KLHL1: variants seen among roughly 807,000 people sequenced by gnomAD.
KLHL1 encodes kelch like family member 1.
A neutral mutation model predicts 77.7 loss-of-function variants in KLHL1; 47 were observed. The observed-to-expected ratio is 0.60, with a 90% CI of 0.48 to 0.77. The LOEUF (loss-of-function observed/expected upper bound fraction) is 0.77. Ranked by LOEUF, KLHL1 falls within the 30% of genes least tolerant of loss-of-function variation. The pLI is 0.00. For missense variants in KLHL1, 925 were observed against 910.8 expected, an observed-to-expected ratio of 1.02 and a Z score of -0.20; for synonymous variants, 360 against 325.2, an observed-to-expected ratio of 1.11 and a Z score of -1.15.
intron 5 of KLHL1, among the ~76,000 whole-genome samples, chr13:69,869,791 C>A (rs1424290371): frequency 1.3e-5 from 2 of 152,298 alleles, no homozygotes. Flanking sequence ...ACATGGCTCT[C>A]TTCCCTCTAA....
intron 9 of KLHL1, among the ~76,000 whole-genome samples, chr13:69,710,398 A>G (rs2137878403): frequency 6.6e-6 from 1 of 152,168 alleles, no homozygotes; most frequent in East Asian, 1.9e-4. Context: ...CATATCTGAA[A>G]TGTGTAATAA....
chr13:69,722,947 G>A (rs534877439), intron 8 of KLHL1, among the ~76,000 whole-genome samples: 16 of 152,000 alleles, frequency 1.1e-4, no homozygotes, highest in Middle Eastern at 3.4e-3. Flanking sequence ...AATGGATAAT[G>A]GAAATGTGCT....
At chr13:70,021,653 T>C (rs1173461620) in intron 1 of KLHL1, among the ~76,000 whole-genome samples, 1 of 151,926 alleles carries the variant, frequency 6.6e-6, no homozygotes, top group Non-Finnish European at 1.5e-5. Flanking sequence ...TTCTTCTTCT[T>C]CCACGTCCTT....
At chr13:69,768,017 C>T (rs1243582910) in intron 7 of KLHL1, among the ~76,000 whole-genome samples, 1 of 152,104 alleles carries the variant, frequency 6.6e-6, no homozygotes, top group Non-Finnish European at 1.5e-5. Context: ...TAGTAAAATA[C>T]ATTTGTTTGT....
chr13:69,731,998 T>C (rs1873566241), intron 8 of KLHL1, among the ~76,000 whole-genome samples: 1 of 152,106 alleles, frequency 6.6e-6, no homozygotes, highest in Non-Finnish European at 1.5e-5. Context: ...ACTTTAAAGA[T>C]GATAAAGACT....
At chr13:69,906,719 C>A (rs1320670593) in intron 4 of KLHL1, among the ~76,000 whole-genome samples, 1 of 151,822 alleles carries the variant, frequency 6.6e-6, no homozygotes, top group African/African-American at 2.4e-5. Flanking sequence ...AATTTATATT[C>A]TGACTTTTCT....
At chr13:69,989,262 G>C (rs1026399108) in intron 1 of KLHL1, among the ~76,000 whole-genome samples, 8 of 151,652 alleles carry the variant, frequency 5.3e-5, no homozygotes, top group Admixed American at 4.6e-4. Flanking sequence ...CAAAAATCAT[G>C]GTTGTAGGTA....
chr13:69,874,731 T>A (rs1880704394), intron 5 of KLHL1, among the ~76,000 whole-genome samples: 1 of 152,166 alleles, frequency 6.6e-6, no homozygotes, highest in Non-Finnish European at 1.5e-5. Flanking sequence ...AAGATGCTTA[T>A]AAACCAACTT....
Position 69,884,964 on chromosome 13 carries a change from C to T in KLHL1, c.1015-2469G>A, listed in dbSNP as rs543569507. On this transcript the variant is annotated intron_variant, in intron 4 of 10. Coordinates refer to ENST00000377844, the MANE Select transcript of KLHL1 (RefSeq NM_020866.3). ...TTTTTTTTTTTTTGAGACGGAGTCTCGCTCTGTCGCCCAGGCCGGACTGCG... is the reference window on the plus strand; with the variant it reads ...TTTTTTTTTTTTTGAGACGGAGTCTTGCTCTGTCGCCCAGGCCGGACTGCG... 3.5e-4 allele frequency among the ~76,000 whole-genome samples: 42 copies of T among 121,172 alleles called. 3 individuals carry two copies. Among genetic ancestry groups the T allele is most frequent in the Admixed American group, 3.2e-3 (39 of 12,040 alleles). The allele number at this position is 121,172 out of a possible 152,430, so 79.5% of individuals were successfully genotyped here. A position where few individuals can be genotyped will look rare whatever the true frequency, so the allele number is the denominator to read the frequency against.
chr13:69,992,374 T>A (rs1885048518), intron 1 of KLHL1, among the ~76,000 whole-genome samples: 1 of 151,904 alleles, frequency 6.6e-6, no homozygotes, highest in South Asian at 2.1e-4. Context: ...AAGAACTAAC[T>A]GATAAGTGCT....
chr13:69,752,781 G>GA (rs796774897), intron 7 of KLHL1, among the ~76,000 whole-genome samples: 2 of 152,088 alleles, frequency 1.3e-5, no homozygotes, highest in African/African-American at 4.8e-5. Flanking sequence ...GCGGAACATA[G>GA]AAAAAAACTC....
intron 1 of KLHL1, among the ~76,000 whole-genome samples, chr13:70,014,420 G>A (rs1885607841): frequency 6.6e-6 from 1 of 152,030 alleles, no homozygotes; most frequent in Admixed American, 6.6e-5. Context: ...TTTAAAGAAT[G>A]TCAGAATACT....
chr13:69,780,137 A>G (rs1876067458), intron 7 of KLHL1, among the ~76,000 whole-genome samples: 1 of 152,122 alleles, frequency 6.6e-6, no homozygotes, highest in African/African-American at 2.4e-5. Flanking sequence ...TCAGATATCC[A>G]TAAGTATAGA....
chr13:69,751,422 C>CA (rs542721866), intron 7 of KLHL1, among the ~76,000 whole-genome samples: 31 of 151,456 alleles, frequency 2.0e-4, no homozygotes, highest in Admixed American at 5.9e-4. Flanking sequence ...GTCCATGTGA[C>CA]AAAAAAAATG....
chr13:69,835,477 CCAAACACAAGG>C (rs1878950284), intron 6 of KLHL1, among the ~76,000 whole-genome samples: 1 of 151,978 alleles, frequency 6.6e-6, no homozygotes, highest in South Asian at 2.1e-4. Flanking sequence ...CTGCCTTGGG[CCAAACACAAGG>C]CGGGAGAACA....
intron 5 of KLHL1, among the ~76,000 whole-genome samples, chr13:69,859,483 G>A (rs528001088): frequency 3.9e-5 from 6 of 151,942 alleles, no homozygotes; most frequent in South Asian, 2.1e-4. Flanking sequence ...TAGGGCAGAC[G>A]CTGTGACAGC....
intron 3 of KLHL1, among the ~76,000 whole-genome samples, chr13:69,953,613 T>C (rs1883779025): frequency 6.6e-6 from 1 of 151,082 alleles, no homozygotes; most frequent in Non-Finnish European, 1.5e-5. Context: ...AGATAAAATA[T>C]GATAAAATCA....
chr13:69,944,365 T>C (rs960817999), intron 3 of KLHL1, among the ~76,000 whole-genome samples: 1 of 152,318 alleles, frequency 6.6e-6, no homozygotes, highest in African/African-American at 2.4e-5. Flanking sequence ...AGGGAACCCT[T>C]GGAAGTCTGT....
intron 1 of KLHL1, among the ~76,000 whole-genome samples, chr13:70,089,349 T>C (rs1887620285): frequency 6.6e-6 from 1 of 152,138 alleles, no homozygotes; most frequent in African/African-American, 2.4e-5. Flanking sequence ...CACTAGAAGA[T>C]CCTCAGAACA....
Sources: allele counts gnomAD v4.1 joint callset (sites outside exome capture counted in the v4.1 genomes callset), GRCh38; gene constraint gnomAD v4.1.1; transcripts MANE v1.5; gene names NCBI Gene and HGNC (gene_info 2026-07-23, HGNC 2026-07-21).